The following CSNK1G1 variants were observed in gnomAD, a reference collection of about 807,000 sequenced individuals.
CSNK1G1 encodes casein kinase I isoform gamma-1.
Under a neutral mutation model 59.6 loss-of-function variants are expected in CSNK1G1, and 22 were observed. The ratio of observed to expected loss-of-function variants is 0.37; its 90% CI spans 0.26 to 0.53. The LOEUF (loss-of-function observed/expected upper bound fraction) is 0.53, where lower values mean the gene tolerates loss of function less well. Ranked by LOEUF, CSNK1G1 falls within the 20% of genes least tolerant of loss-of-function variation. CSNK1G1 has a pLI of 0.89. For synonymous variants in CSNK1G1, 179 were observed against 177.1 expected (o/e 1.01, Z -0.08); for missense variants, 384 against 519.5 (o/e 0.74, Z 2.54).
intron 10 of CSNK1G1, chr15:64,181,225 C>T (rs1369610102): frequency 2.0e-6 from 3 of 1,535,140 alleles, no homozygotes; most frequent in Non-Finnish European, 2.6e-6. Flanking sequence ...CATCCCAGTT[C>T]TCACTGATGG....
chr15:64,199,681 T>A (rs955883283), intron 10 of CSNK1G1, among the ~76,000 whole-genome samples: 2 of 152,072 alleles, frequency 1.3e-5, no homozygotes, highest in African/African-American at 4.8e-5. Flanking sequence ...AGTGAAACCC[T>A]GTCTCTACTA....
intron 10 of CSNK1G1, among the ~76,000 whole-genome samples, chr15:64,201,093 G>A (rs920480430): frequency 4.6e-5 from 7 of 152,018 alleles, no homozygotes; most frequent in Admixed American, 6.6e-5. Flanking sequence ...CCAACATGGC[G>A]AAACCTCATC....
intron 10 of CSNK1G1, among the ~76,000 whole-genome samples, chr15:64,192,840 T>TAAAAAAA (rs66643774): frequency 9.3e-5 from 3 of 32,226 alleles, no homozygotes; most frequent in African/African-American, 3.6e-4. Flanking sequence ...GAGATCTGCC[T>TAAAAAAA]AAAAAAAAAA....
chr15:64,335,401 T>C (rs972013679), intron 1 of CSNK1G1, among the ~76,000 whole-genome samples: 1 of 152,142 alleles, frequency 6.6e-6, no homozygotes, highest in Admixed American at 6.5e-5. Context: ...TTTCTTTCAA[T>C]TGTTATACTT....
chr15:64,346,072 C>T lies in CSNK1G1; in HGVS notation c.-225+9916G>A, dbSNP rs191341218. Among the ~76,000 whole-genome samples, 13 of 118,438 alleles carry T rather than the reference C, an allele frequency of 1.1e-4. No individual in the cohort carries two copies. The East Asian group carries it at 2.6e-3, about 24-fold the overall frequency. 77.7% of individuals were successfully genotyped at this position (118,438 alleles called of 152,430 possible). The stretch of plus-strand genomic sequence containing the variant: ...CCAAAGTGCTGAGTGTGAGCCACTG[C>T]ACCCGGCAGAAAAAATTTGCATAAA... On this transcript the variant is annotated intron_variant, in intron 1 of 11. Coordinates refer to ENST00000303052, the MANE Select transcript of CSNK1G1 (RefSeq NM_022048.5).
At chr15:64,223,025 T>C (rs1411885581) in intron 4 of CSNK1G1, among the ~76,000 whole-genome samples, 2 of 152,230 alleles carry the variant, frequency 1.3e-5, no homozygotes, top group African/African-American at 4.8e-5. Context: ...TAAAAGTTTC[T>C]TTGGGAGATG....
intron 3 of CSNK1G1, among the ~76,000 whole-genome samples, chr15:64,256,394 C>T (rs1596169262): frequency 6.6e-6 from 1 of 152,146 alleles, no homozygotes; most frequent in Non-Finnish European, 1.5e-5. Flanking sequence ...TGCAAAACTC[C>T]ATAGAGTTCA....
intron 2 of CSNK1G1, among the ~76,000 whole-genome samples, chr15:64,273,583 C>A (rs758934859): frequency 6.6e-6 from 1 of 152,012 alleles, no homozygotes; most frequent in Non-Finnish European, 1.5e-5. Context: ...AACCTAACAA[C>A]GTTTGGATTA....
chr15:64,334,405 G>A (rs769953995), intron 1 of CSNK1G1, among the ~76,000 whole-genome samples: 1 of 152,086 alleles, frequency 6.6e-6, no homozygotes, highest in African/African-American at 2.4e-5. Flanking sequence ...TGGGGGTGGA[G>A]GGCAGGGGGG....
At chr15:64,335,011 A>C (rs761055496) in intron 1 of CSNK1G1, among the ~76,000 whole-genome samples, 12 of 152,214 alleles carry the variant, frequency 7.9e-5, no homozygotes, top group African/African-American at 2.7e-4. Flanking sequence ...ACTCCAGAAG[A>C]GTTACTACAA....
Position 64,207,512 on chromosome 15 carries a change from G to A in CSNK1G1, c.762C>T (p.Leu254=), listed in dbSNP as rs757558607. Residue 254 remains leucine (L), a synonymous_variant, in exon 7 of 12, where the codon CTC becomes CTT. Coordinates refer to ENST00000303052, the MANE Select transcript of CSNK1G1 (RefSeq NM_022048.5). ...FLRGSLPWQG[L]KADTLKERYQ... is the part of the protein sequence containing the mutation. ...CACTGAACACTTTCAAGGATACCTT[G>A]AGTCCTTGCCAGGGGAGGCTGCCTC... 6 of 1,609,386 alleles carry A rather than the reference G, an allele frequency of 3.7e-6. No homozygotes were observed. The highest frequency in any genetic ancestry group is 2.2e-5 in the South Asian group (2 of 90,980).
chr15:64,305,511 G>T (rs566902140), intron 1 of CSNK1G1, among the ~76,000 whole-genome samples: 1 of 151,886 alleles, frequency 6.6e-6, no homozygotes, highest in Non-Finnish European at 1.5e-5. Flanking sequence ...GAGCCCAGGA[G>T]TTCAAGAACA....
At chr15:64,193,314 A>ACCC (rs1395693300) in intron 10 of CSNK1G1, among the ~76,000 whole-genome samples, 1 of 151,732 alleles carries the variant, frequency 6.6e-6, no homozygotes, top group African/African-American at 2.4e-5. Flanking sequence ...ACACGGTGAA[A>ACCC]CCCCGTCTCT....
At position 64,336,209 on chromosome 15, in the gene CSNK1G1, A is replaced by G. The variant is rs1251561534; in HGVS notation, c.-225+19779T>C. Among the ~76,000 whole-genome samples the G allele has an allele frequency of 2.0e-5, 3 of 152,222 alleles. No homozygotes were observed. In the East Asian group the frequency reaches 5.8e-4, roughly 29 times the overall value. On this transcript the variant is annotated intron_variant, in intron 1 of 11. Coordinates refer to ENST00000303052, the MANE Select transcript of CSNK1G1 (RefSeq NM_022048.5). ...TGTAAAATTGAATTGACTGTTTTCA[A>G]GTAACTGAAATTTACTTGACAAATT...
At chr15:64,351,651 G>A (rs1301918327) in intron 1 of CSNK1G1, among the ~76,000 whole-genome samples, 2 of 152,192 alleles carry the variant, frequency 1.3e-5, no homozygotes, top group South Asian at 2.1e-4. Flanking sequence ...GGCTGAGGCG[G>A]GCCAATCACT....
chr15:64,300,170 A>T lies in CSNK1G1; in HGVS notation c.181+149T>A, dbSNP rs115445877. On this transcript the variant is annotated intron_variant, in intron 2 of 11. Coordinates refer to ENST00000303052, the MANE Select transcript of CSNK1G1 (RefSeq NM_022048.5). ...GGATAACAAATAATTGATAATGACT[A>T]TAGTGCCCCTTCACAAATTATTTCT... 689 of 709,030 alleles carry T rather than the reference A, an allele frequency of 9.7e-4. 2 individuals are homozygous for T. The African/African-American group carries it at 0.011, about 11-fold the overall frequency. The allele number at this position is 709,030 out of a possible 1,614,324, so 43.9% of individuals were successfully genotyped here.
chr15:64,274,268 T>C (rs1352778872), intron 2 of CSNK1G1, among the ~76,000 whole-genome samples: 1 of 152,178 alleles, frequency 6.6e-6, no homozygotes, highest in African/African-American at 2.4e-5. Context: ...CAACACAAAA[T>C]GCAGCCATGT....
intron 2 of CSNK1G1, among the ~76,000 whole-genome samples, chr15:64,296,432 A>ATAT (rs1337764085): frequency 1.3e-5 from 2 of 152,106 alleles, no homozygotes; most frequent in Non-Finnish European, 2.9e-5. Context: ...CCAATCTGCT[A>ATAT]TATTATCACT....
In CSNK1G1 at chr15:64,210,596, T is replaced by A. The variant is rs2082237819; in HGVS notation, c.680-3002A>T. On this transcript the variant is annotated intron_variant, in intron 6 of 11. Transcript: ENST00000303052. This position sits in a 1 kb window ranked among gnomAD's most constrained non-coding sequence, Gnocchi z 4.2. ...ATCAGAAAGATGTGCTTGGTTTACA[T>A]GCATAACATCCCTGATTTTAGGTTA... is the stretch of plus-strand genomic sequence containing the variant. 6.6e-6 allele frequency among the ~76,000 whole-genome samples: 1 copy of A among 152,218 alleles called. No individual in the cohort carries two copies. Among genetic ancestry groups the A allele is most frequent in the Non-Finnish European group, 1.5e-5 (1 of 68,038 alleles).
Sources: allele counts gnomAD v4.1 joint callset (sites outside exome capture counted in the v4.1 genomes callset), GRCh38; gene constraint gnomAD v4.1.1; non-coding constraint Gnocchi (gnomAD v3.1); transcripts MANE v1.5; gene names NCBI Gene and HGNC (gene_info 2026-07-23, HGNC 2026-07-21).